ACSM1: variants seen among roughly 807,000 people sequenced by gnomAD.
ACSM1 encodes the protein acyl-CoA synthetase medium chain family member 1.
A neutral mutation model predicts 75.8 loss-of-function variants in ACSM1; 79 were observed. The observed-to-expected ratio is 1.04, with a 90% confidence interval of 0.87 to 1.26. The LOEUF is 1.26. ACSM1 is among the 50% of genes most tolerant of loss of function. The probability of loss-of-function intolerance (pLI) is 0.00; values close to 1 mark genes in which losing one functional copy is unlikely to be tolerated. For missense variants in ACSM1, 676 were observed against 720.1 expected, an observed-to-expected ratio of 0.94 and a Z score of 0.70; for synonymous variants, 279 against 265.8, an observed-to-expected ratio of 1.05 and a Z score of -0.48.
At chr16:20,689,831 A>G (rs2079620365) in intron 2 of ACSM1, among the ~76,000 whole-genome samples, 1 of 152,220 alleles carries the variant, frequency 6.6e-6, no homozygotes, top group African/African-American at 2.4e-5. Flanking sequence ...ATATTTTGGC[A>G]TCATCAGATT....
intron 7 of ACSM1, among the ~76,000 whole-genome samples, chr16:20,649,043 A>G (rs936719991): frequency 5.3e-5 from 8 of 152,210 alleles, no homozygotes; most frequent in African/African-American, 1.9e-4. Flanking sequence ...TCCCATGTAT[A>G]CATGTTAAAT....
At position 20,627,445 on chromosome 16, in the gene ACSM1, TTCTGAG is replaced by T. The variant is rs899614345; in HGVS notation, c.1300-135_1300-130del. ...TCGGTACCTGGGCAAGTTTTGCCAT[TTCTGAG>T]TCTATTTTCATTACATGTAGCGCAT... On this transcript the variant is annotated intron_variant, in intron 10 of 13. Transcript: ENST00000520010. 3.0e-5 allele frequency: 33 copies of T among 1,082,338 alleles called. No individual in the cohort carries two copies. In the African/African-American group the frequency reaches 4.9e-4, roughly 16 times the overall value. 67.0% of individuals were successfully genotyped at this position (1,082,338 alleles called of 1,614,324 possible).
Position 20,625,567 on chromosome 16 carries a change from A to G in ACSM1, c.1428-45T>C, listed in dbSNP as rs770975665. The G allele has an allele frequency of 3.2e-6, 5 of 1,558,384 alleles. 1 individual carries two copies. The Admixed American group carries it at 8.6e-5, about 27-fold the overall frequency. On this transcript the variant is annotated intron_variant, in intron 11 of 13. Transcript: ENST00000520010. ...GAGGCAGATGCCAGGGCTGGGGTGA[A>G]CCAAGTCCCCAGATCTCCTGCTTTG...
At chr16:20,637,307 G>C in intron 9 of ACSM1, 64 bp downstream of exon 9, 1 of 1,279,540 alleles carries the variant, frequency 7.8e-7, no homozygotes, top group African/African-American at 1.5e-5. Flanking sequence ...TTGTCACCTG[G>C]TGTCAAATTG....
At chr16:20,688,824 G>A (rs1447989430) in intron 2 of ACSM1, among the ~76,000 whole-genome samples, 1 of 151,798 alleles carries the variant, frequency 6.6e-6, no homozygotes. Flanking sequence ...ATATGAAAAT[G>A]TAAAGTTCTC....
chr16:20,640,359 G>C, intron 8 of ACSM1, 102 bp downstream of exon 8: 1 of 1,341,600 alleles, frequency 7.5e-7, no homozygotes, highest in Non-Finnish European at 1.0e-6. Context: ...TTTGGGGAAA[G>C]GCACAAACCT....
chr16:20,624,618 T>G (rs780567476), intron 12 of ACSM1, among the ~76,000 whole-genome samples: 2 of 152,246 alleles, frequency 1.3e-5, no homozygotes, highest in Non-Finnish European at 2.9e-5. Flanking sequence ...CCATAATTAC[T>G]GGCAATTTAT....
At chr16:20,697,203 C>T (rs1342318531) in intron 1 of ACSM1, among the ~76,000 whole-genome samples, 1 of 152,082 alleles carries the variant, frequency 6.6e-6, no homozygotes, top group African/African-American at 2.4e-5. Flanking sequence ...CTTTCAAGTA[C>T]CTGGGACCAC....
intron 1 of ACSM1, among the ~76,000 whole-genome samples, chr16:20,695,694 T>TCTAC (rs2079686298): frequency 6.6e-6 from 1 of 151,920 alleles, no homozygotes; most frequent in South Asian, 2.1e-4. Flanking sequence ...TATCTATCTA[T>TCTAC]CTATCTATCT....
chr16:20,681,214 A>T (rs2152307678), intron 4 of ACSM1: 1 of 152,368 alleles, frequency 6.6e-6, no homozygotes, highest in Non-Finnish European at 1.5e-5. Context: ...CACTAGATTT[A>T]TTGGCAATAC....
chr16:20,642,917 C>G lies in ACSM1; in HGVS notation c.993-2333G>C, dbSNP rs536537878. Among the ~76,000 whole-genome samples the G allele has an allele frequency of 2.6e-5, 4 of 152,258 alleles. No individual in the cohort carries two copies. The East Asian group carries it at 5.8e-4, about 22-fold the overall frequency. On this transcript the variant is annotated intron_variant, in intron 7 of 13. Transcript: ENST00000520010. ...TTTAAAACCAGGGTAAATTTAAAAC[C>G]TATAATTGATAATTGAAGGTATTCT...
intron 7 of ACSM1, among the ~76,000 whole-genome samples, chr16:20,641,707 A>G (rs1638647307): frequency 6.6e-6 from 1 of 152,056 alleles, no homozygotes; most frequent in Non-Finnish European, 1.5e-5. Context: ...CTTTTTCTCA[A>G]TCCTTTGGCT....
intron 10 of ACSM1, among the ~76,000 whole-genome samples, chr16:20,636,146 G>A (rs781711304): frequency 3.9e-5 from 6 of 152,148 alleles, no homozygotes; most frequent in Non-Finnish European, 7.4e-5. Flanking sequence ...TCAGGGTCTG[G>A]TCATCCTTCC....
chr16:20,639,090 C>T (rs569264627), intron 8 of ACSM1, among the ~76,000 whole-genome samples: 3 of 152,270 alleles, frequency 2.0e-5, no homozygotes, highest in Admixed American at 6.5e-5. Flanking sequence ...GGATAGCAGT[C>T]ATCCTTTATG....
At chr16:20,685,723 G>C (rs533121812) in intron 2 of ACSM1, among the ~76,000 whole-genome samples, 1 of 151,116 alleles carries the variant, frequency 6.6e-6, no homozygotes, top group Non-Finnish European at 1.5e-5. Context: ...AGGAGGCTGA[G>C]GTAGGAGAAT....
chr16:20,658,197 T>G (rs2019089511), intron 7 of ACSM1, among the ~76,000 whole-genome samples: 1 of 152,250 alleles, frequency 6.6e-6, no homozygotes, highest in Non-Finnish European at 1.5e-5. Flanking sequence ...TCTTCCAAAA[T>G]GGTTGAACTA....
At chr16:20,656,682 A>G (rs774001986) in intron 7 of ACSM1, among the ~76,000 whole-genome samples, 2 of 152,192 alleles carry the variant, frequency 1.3e-5, no homozygotes, top group African/African-American at 4.8e-5. Flanking sequence ...AAGGAAGCCA[A>G]TATGATGGTA....
At chr16:20,627,871 T>TAC (rs1403635638) in intron 10 of ACSM1, among the ~76,000 whole-genome samples, 4,975 of 10,398 alleles carry the variant, frequency 0.48, 538 homozygotes, top group Middle Eastern at 0.55. Context: ...TATGTATACA[T>TAC]ATATATATAT....
chr16:20,661,763 A>G (rs2019311148), intron 7 of ACSM1, 31 bp downstream of exon 7: 1 of 1,512,940 alleles, frequency 6.6e-7, no homozygotes, highest in Admixed American at 1.7e-5. Context: ...ATCTTACCCA[A>G]AGATGTTGTT....
Sources: allele counts gnomAD v4.1 joint callset (sites outside exome capture counted in the v4.1 genomes callset), GRCh38; gene constraint gnomAD v4.1.1; transcripts MANE v1.5; gene names NCBI Gene and HGNC (gene_info 2026-07-23, HGNC 2026-07-21).